CLYBL: variants seen among roughly 807,000 people sequenced by gnomAD.
CLYBL encodes the protein citramalyl-CoA lyase.
A neutral mutation model predicts 38.9 loss-of-function variants in CLYBL; 31 were observed. The ratio of observed to expected loss-of-function variants is 0.80; its 90% CI spans 0.60 to 1.08. The LOEUF (loss-of-function observed/expected upper bound fraction) is 1.08, where lower values mean the gene tolerates loss of function less well. Ranked by LOEUF, CLYBL falls within the 50% of genes least tolerant of loss-of-function variation. The pLI, the probability that CLYBL is intolerant of heterozygous loss-of-function variation, is 0.00. For synonymous variants in CLYBL, 171 were observed against 158.6 expected (o/e 1.08, Z -0.59); for missense variants, 434 against 411.6 (o/e 1.05, Z -0.47).
intron 1 of CLYBL, among the ~76,000 whole-genome samples, chr13:99,653,828 T>G (rs1405296117): frequency 6.6e-6 from 1 of 152,224 alleles, no homozygotes; most frequent in Non-Finnish European, 1.5e-5. Context: ...CTGGGTATGA[T>G]GGGCTGGACA....
intron 2 of CLYBL, among the ~76,000 whole-genome samples, chr13:99,821,497 G>A (rs1291919854): frequency 1.3e-5 from 2 of 151,994 alleles, no homozygotes; most frequent in African/African-American, 4.8e-5. Flanking sequence ...GGAAAATTAG[G>A]CTTTTTGCTG....
intron 1 of CLYBL, among the ~76,000 whole-genome samples, chr13:99,722,174 C>A (rs2048402804): frequency 6.6e-6 from 1 of 152,162 alleles, no homozygotes; most frequent in East Asian, 1.9e-4. Flanking sequence ...TTTTCATGGA[C>A]TGGCTAGCTT....
At position 99,908,509 on chromosome 13, in the gene CLYBL, C is replaced by T. The variant is rs563636764; in HGVS notation, c.*615C>T. On this transcript the variant is annotated 3_prime_UTR_variant and NMD_transcript_variant, in exon 10 of 10. Transcript: ENST00000689673. ...CCTGATCATTCTTCCATCAGCTCTG[C>T]ACCAAAAAGCTTTTCCTGAGCTTTG... 6.6e-5 allele frequency among the ~76,000 whole-genome samples: 10 copies of T among 152,358 alleles called. No individual in the cohort carries two copies. The South Asian group carries it at 1.9e-3, about 28-fold the overall frequency.
At chr13:99,775,341 G>C (rs1566321777) in intron 2 of CLYBL, among the ~76,000 whole-genome samples, 1 of 152,118 alleles carries the variant, frequency 6.6e-6, no homozygotes, top group Non-Finnish European at 1.5e-5. Flanking sequence ...CTACCACTTA[G>C]GGGAAACCTG....
At chr13:99,706,067 G>A (rs1009346408) in intron 1 of CLYBL, among the ~76,000 whole-genome samples, 1 of 151,992 alleles carries the variant, frequency 6.6e-6, no homozygotes. Context: ...AAGTAGCTGG[G>A]ATTACAGGCT....
At chr13:99,681,877 C>T (rs376218042) in intron 1 of CLYBL, among the ~76,000 whole-genome samples, 2 of 152,006 alleles carry the variant, frequency 1.3e-5, no homozygotes, top group African/African-American at 2.4e-5. Context: ...TGAGCCACCA[C>T]TCCCTGCCTC....
At chr13:99,709,782 G>A in intron 1 of CLYBL, among the ~76,000 whole-genome samples, 1 of 152,082 alleles carries the variant, frequency 6.6e-6, no homozygotes, top group East Asian at 1.9e-4. Context: ...ACTCTTATGT[G>A]TGAATTCTTT....
At chr13:99,723,416 T>G (rs2048422655) in intron 1 of CLYBL, among the ~76,000 whole-genome samples, 2 of 152,252 alleles carry the variant, frequency 1.3e-5, no homozygotes, top group South Asian at 4.1e-4. Flanking sequence ...TTATGAGCTT[T>G]CTTCTTTTAT....
At chr13:99,695,860 A>G (rs978668921) in intron 1 of CLYBL, among the ~76,000 whole-genome samples, 3 of 152,144 alleles carry the variant, frequency 2.0e-5, no homozygotes, top group African/African-American at 7.2e-5. Flanking sequence ...CACCTGTCAC[A>G]TGAGGGTCTT....
intron 1 of CLYBL, among the ~76,000 whole-genome samples, chr13:99,687,617 A>G (rs1467099768): frequency 6.6e-6 from 1 of 152,234 alleles, no homozygotes; most frequent in Non-Finnish European, 1.5e-5. Context: ...AGGGTTTTTA[A>G]TAGACTTTTG....
intron 1 of CLYBL, among the ~76,000 whole-genome samples, chr13:99,674,142 CTTTTTTTTTT>C (rs1167068936): frequency 5.9e-5 from 3 of 51,148 alleles, no homozygotes; most frequent in Non-Finnish European, 1.1e-4. Context: ...TACTAGAATT[CTTTTTTTTTT>C]TTTTTTTTTT....
chr13:99,903,374 A>G (rs1302241668), intron 8 of CLYBL, among the ~76,000 whole-genome samples: 2 of 151,788 alleles, frequency 1.3e-5, no homozygotes, highest in African/African-American at 4.8e-5. Flanking sequence ...ACACTGGCAC[A>G]CACACACGCA....
chr13:99,899,224 C>T (rs957329241), downstream of CLYBL, among the ~76,000 whole-genome samples: 8 of 152,222 alleles, frequency 5.3e-5, no homozygotes, highest in African/African-American at 1.2e-4. Flanking sequence ...CTCCCCACCC[C>T]GCTGCCTTGC....
intron 1 of CLYBL, among the ~76,000 whole-genome samples, chr13:99,660,933 A>G (rs1472289448): frequency 6.6e-6 from 1 of 152,158 alleles, no homozygotes; most frequent in Non-Finnish European, 1.5e-5. Context: ...GCAGTGTCCA[A>G]AAAAATTGTT....
At chr13:99,813,856 A>G (rs912740265) in intron 2 of CLYBL, among the ~76,000 whole-genome samples, 35 of 152,280 alleles carry the variant, frequency 2.3e-4, no homozygotes, top group Admixed American at 2.0e-4. Context: ...GAATCACATC[A>G]TAGCCCAATA....
intron 1 of CLYBL, among the ~76,000 whole-genome samples, chr13:99,653,709 C>A (rs1174235412): frequency 6.6e-6 from 1 of 152,054 alleles, no homozygotes; most frequent in African/African-American, 2.4e-5. Flanking sequence ...ACCTTCTCCT[C>A]CACTTTTGAG....
At chr13:99,637,981 T>TTTTTTTA in intron 1 of CLYBL, among the ~76,000 whole-genome samples, 1 of 148,304 alleles carries the variant, frequency 6.7e-6, no homozygotes, top group African/African-American at 2.5e-5. Flanking sequence ...TTTTTTTTTT[T>TTTTTTTA]GAGACAAGGT....
At chr13:99,870,810 TAA>T in intron 6 of CLYBL, 126 bp from the exon 7 acceptor site, 1 of 899,782 alleles carries the variant, frequency 1.1e-6, no homozygotes, top group East Asian at 2.8e-5. Flanking sequence ...GTTTACTCAA[TAA>T]AAAGTTTTAA....
In CLYBL at chr13:99,672,202, C is replaced by CT. The variant is rs75680397; in HGVS notation, c.62+65459dup. Among the ~76,000 whole-genome samples the CT allele has an allele frequency of 7.6e-3, 996 of 131,200 alleles. 13 individuals carry two copies. Among genetic ancestry groups the CT allele is most frequent in the Middle Eastern group, 0.019 (5 of 262 alleles). 86.1% of individuals were successfully genotyped at this position (131,200 alleles called of 152,430 possible). A position where few individuals can be genotyped will look rare whatever the true frequency, so the allele number is the denominator to read the frequency against. On this transcript the variant is annotated intron_variant, in intron 1 of 8. Coordinates refer to ENST00000339105, the MANE Select transcript of CLYBL (RefSeq NM_206808.5). ...TCTTCGGGAATTTCTTTTTTTTTTT[C>CT]TTTTTTTTTTTTTTGAGACAGAGTC...
Sources: gnomAD v4.1 joint callset for allele counts (sites outside exome capture counted in the v4.1 genomes callset) on GRCh38, gnomAD v4.1.1 for gene constraint, MANE v1.5 for transcripts, NCBI Gene and HGNC (gene_info 2026-07-23, HGNC 2026-07-21) for gene names.